The following DSE variants were observed in gnomAD, a reference collection of about 807,000 sequenced individuals.
DSE encodes the protein dermatan-sulfate epimerase.
Under a neutral mutation model 84.4 loss-of-function variants are expected in DSE, and 36 were observed. That is an observed-to-expected ratio of 0.43 (90% CI 0.33 to 0.56). The LOEUF is 0.56. DSE is among the 20% of genes least tolerant of loss of function. The probability of loss-of-function intolerance (pLI) is 0.06; values close to 1 mark genes in which losing one functional copy is unlikely to be tolerated. For missense variants in DSE, 862 were observed against 1,169.6 expected (o/e 0.74, Z 3.84); for synonymous variants, 410 against 430.1 (o/e 0.95, Z 0.58).
At chr6:116,297,935 C>G (rs1774770977) in intron 2 of DSE, among the ~76,000 whole-genome samples, 1 of 152,144 alleles carries the variant, frequency 6.6e-6, no homozygotes, top group South Asian at 2.1e-4. Flanking sequence ...CATGGTTTGC[C>G]TGGGACTAGT....
intron 2 of DSE, among the ~76,000 whole-genome samples, chr6:116,313,695 C>A (rs1194044892): frequency 1.3e-5 from 2 of 152,140 alleles, no homozygotes; most frequent in African/African-American, 4.8e-5. Flanking sequence ...CATTCTTTTT[C>A]TCTTATTTTA....
chr6:116,316,310 A>G (rs911471682), intron 2 of DSE, among the ~76,000 whole-genome samples: 5 of 152,124 alleles, frequency 3.3e-5, no homozygotes, highest in African/African-American at 4.8e-5. Flanking sequence ...GGATCTTTCT[A>G]TAATGATTTT....
At chr6:116,338,219 CTTTTTTTT>C (rs893312210) in intron 2 of DSE, among the ~76,000 whole-genome samples, 1 of 91,190 alleles carries the variant, frequency 1.1e-5, no homozygotes, top group Non-Finnish European at 2.0e-5. Flanking sequence ...TTTCTTCTTT[CTTTTTTTT>C]TTTTTTTTTT....
chr6:116,280,416 C>G (rs549541836), intron 2 of DSE, among the ~76,000 whole-genome samples: 42 of 152,316 alleles, frequency 2.8e-4, no homozygotes, highest in African/African-American at 9.9e-4. Context: ...TCAGCAGCCT[C>G]TTACCACTAA....
At position 116,439,929 on chromosome 6, in the gene DSE, G is replaced by A. The variant is rs189753700; in HGVS notation, c.*2584G>A. On this transcript the variant is annotated 3_prime_UTR_variant, in exon 6 of 6. Coordinates refer to ENST00000644252, the MANE Select transcript of DSE (RefSeq NM_013352.4). ...TGCACTCCAGCCTTGGAGACAGAGT[G>A]AGACCGTGTTTCTCTCTTTTTTTTT... 1 of 150,728 alleles carries A rather than the reference G, an allele frequency of 6.6e-6. No individual in the cohort carries two copies. Among genetic ancestry groups the A allele is most frequent in the East Asian group, 1.9e-4 (1 of 5,136 alleles). 9.3% of individuals were successfully genotyped at this position (150,728 alleles called of 1,614,324 possible).
intron 2 of DSE, among the ~76,000 whole-genome samples, chr6:116,317,150 G>T (rs949712742): frequency 6.6e-6 from 1 of 152,340 alleles, no homozygotes; most frequent in African/African-American, 2.4e-5. Context: ...TAGCAAGGCT[G>T]TTGGGGAATC....
In DSE at chr6:116,426,785, T is replaced by A; in HGVS notation, c.628T>A (p.Cys210Ser). The change falls in exon 3 of 6, where the codon TGT (cysteine) becomes AGT (serine). Residue 210 changes from cysteine to serine, a missense_variant. Physicochemically the swap from Cys to Ser is moderately radical, Grantham distance 112. Transcript: ENST00000644252. ...QYLHNHQPTN[C>S]MALLTGSLVL... ...CCTGCACAATCATCAGCCCACCAAC[T>A]GTATGGCTTTGCTCACGGGAAGCCT... 6.2e-7 allele frequency: 1 copy of A among 1,614,136 alleles called. No homozygotes were observed. The highest frequency in any genetic ancestry group is 8.5e-7 in the Non-Finnish European group (1 of 1,179,984).
chr6:116,260,744 T>C (rs776280124), intron 2 of DSE, among the ~76,000 whole-genome samples: 3 of 152,250 alleles, frequency 2.0e-5, no homozygotes, highest in Non-Finnish European at 4.4e-5. Context: ...TAGGGAATCC[T>C]TTCCTCATTG....
At chr6:116,300,002 T>A (rs572907004) in intron 2 of DSE, among the ~76,000 whole-genome samples, 1 of 152,342 alleles carries the variant, frequency 6.6e-6, no homozygotes. Flanking sequence ...GCCAATTATT[T>A]GCTTTTATTC....
intron 2 of DSE, among the ~76,000 whole-genome samples, chr6:116,302,336 C>A (rs1259809698): frequency 2.0e-5 from 3 of 152,122 alleles, no homozygotes; most frequent in African/African-American, 7.2e-5. Flanking sequence ...TTCTAGCTGG[C>A]GTGAGGTGGT....
At chr6:116,263,217 C>T (rs1419241868) in intron 2 of DSE, among the ~76,000 whole-genome samples, 1 of 152,152 alleles carries the variant, frequency 6.6e-6, no homozygotes, top group Non-Finnish European at 1.5e-5. Context: ...GTGTTAAAGT[C>T]TCCCGCTATT....
chr6:116,314,219 G>A (rs1343651346), intron 2 of DSE, among the ~76,000 whole-genome samples: 1 of 152,114 alleles, frequency 6.6e-6, no homozygotes, highest in Admixed American at 6.5e-5. Flanking sequence ...ACTATAAATA[G>A]AGAAAATCAT....
intron 2 of DSE, among the ~76,000 whole-genome samples, chr6:116,333,621 A>G (rs946399747): frequency 1.3e-5 from 2 of 152,192 alleles, no homozygotes; most frequent in African/African-American, 4.8e-5. Context: ...AGATGAGAAA[A>G]GTGAGGCTTC....
intron 2 of DSE, among the ~76,000 whole-genome samples, chr6:116,414,703 C>T (rs1030341337): frequency 3.3e-5 from 5 of 152,216 alleles, no homozygotes; most frequent in African/African-American, 7.2e-5. Flanking sequence ...TGAGCCACCA[C>T]GCCCAGCCTG....
intron 2 of DSE, among the ~76,000 whole-genome samples, chr6:116,274,283 C>T (rs1773013633): frequency 6.6e-6 from 1 of 151,930 alleles, no homozygotes; most frequent in African/African-American, 2.4e-5. Flanking sequence ...AGCATTTGGC[C>T]GGGCACAGTG....
At chr6:116,305,854 C>T (rs910657145) in intron 2 of DSE, among the ~76,000 whole-genome samples, 1 of 152,120 alleles carries the variant, frequency 6.6e-6, no homozygotes, top group African/African-American at 2.4e-5. Flanking sequence ...GTTGGTCAGG[C>T]TGGTCTTGAA....
chr6:116,347,213 C>A (rs190293970), intron 2 of DSE, among the ~76,000 whole-genome samples: 1 of 152,308 alleles, frequency 6.6e-6, no homozygotes, highest in Non-Finnish European at 1.5e-5. Flanking sequence ...TTTATAGATT[C>A]AGTGCCATCC....
chr6:116,344,653 C>A (rs1362058103), intron 2 of DSE, among the ~76,000 whole-genome samples: 1 of 152,176 alleles, frequency 6.6e-6, no homozygotes, highest in Non-Finnish European at 1.5e-5. Flanking sequence ...TGGAAAGGAA[C>A]AACCGATATC....
chr6:116,279,792 G>A (rs1435562802), intron 2 of DSE: 1 of 1,612,948 alleles, frequency 6.2e-7, no homozygotes, highest in Non-Finnish European at 8.5e-7. Flanking sequence ...TGTGGGTTTG[G>A]AGGGGAGTGG....
Sources: gnomAD v4.1 joint callset for allele counts (sites outside exome capture counted in the v4.1 genomes callset) on GRCh38, gnomAD v4.1.1 for gene constraint, MANE v1.5 for transcripts, NCBI Gene and HGNC (gene_info 2026-07-23, HGNC 2026-07-21) for gene names.